Variants in RTEL1 observed in about 807,000 individuals in gnomAD.
RTEL1 encodes regulator of telomere elongation helicase 1.
A neutral mutation model predicts 162.2 loss-of-function variants in RTEL1; 86 were observed. The ratio of observed to expected loss-of-function variants is 0.53; its 90% CI spans 0.45 to 0.63. The LOEUF is 0.63. Among genes scored for constraint, RTEL1 ranks in the 30% least tolerant of loss-of-function variants. The pLI is 0.00. For missense variants in RTEL1, 1,941 were observed against 1,750.2 expected (o/e 1.11, Z -1.95); for synonymous variants, 958 against 717.9 (o/e 1.33, Z -5.35).
At chr20:63,673,578 A>G (rs1381732611) in intron 9 of RTEL1, among the ~76,000 whole-genome samples, 1 of 151,854 alleles carries the variant, frequency 6.6e-6, no homozygotes, top group Non-Finnish European at 1.5e-5. Flanking sequence ...AGCCGGGACT[A>G]CAGGTGCACA....
At chr20:63,662,786 C>T in intron 5 of RTEL1, 43 bp from the exon 6 acceptor site, 3 of 1,611,806 alleles carry the variant, frequency 1.9e-6, no homozygotes, top group East Asian at 2.2e-5. Context: ...TCGGTCCTTT[C>T]TTGGCCGTGC....
chr20:63,691,502 G>A (rs368964746), intron 27 of RTEL1, among the ~76,000 whole-genome samples: 1 of 152,054 alleles, frequency 6.6e-6, no homozygotes, highest in Non-Finnish European at 1.5e-5. Flanking sequence ...CGCTGTGGTC[G>A]GACTGTCTTC....
intron 27 of RTEL1, among the ~76,000 whole-genome samples, 179 bp downstream of exon 27, chr20:63,691,126 A>T (rs922266576): frequency 1.3e-5 from 2 of 151,800 alleles, no homozygotes; most frequent in African/African-American, 2.4e-5. Context: ...CCTCCACCCC[A>T]CCTCACCCAC....
intron 10 of RTEL1, among the ~76,000 whole-genome samples, chr20:63,676,937 A>T (rs1935128474): frequency 6.6e-6 from 1 of 151,558 alleles, no homozygotes; most frequent in African/African-American, 2.4e-5. Context: ...CCGTCTCAAA[A>T]ATCAATCAGT....
chr20:63,694,480 C>A lies in RTEL1; in HGVS notation c.3101C>A (p.Pro1034His), dbSNP rs115610405. ...QGRPHLSPRP[P>H]PTGDPGSQPQ... is the part of the protein sequence containing the mutation. The stretch of plus-strand genomic sequence containing the variant: ...AGGCCCCACCTGTCGCCCAGGCCAC[C>A]CCCAACAGGTAGCTGACTCCTGAAC... The change falls in exon 31 of 35, where the codon CCC (proline) becomes CAC (histidine). Residue 1034 changes from proline (P) to histidine (H), a missense_variant. Transcript: ENST00000360203. 28,737 of 1,597,222 alleles carry A rather than the reference C, an allele frequency of 0.018. 342 individuals carry two copies. Among genetic ancestry groups the A allele is most frequent in the Non-Finnish European group, 0.02 (23,544 of 1,167,476 alleles).
At chr20:63,678,873 G>A (rs1465726188) in intron 12 of RTEL1, among the ~76,000 whole-genome samples, 2 of 123,706 alleles carry the variant, frequency 1.6e-5, no homozygotes, top group African/African-American at 4.3e-5. Flanking sequence ...ACTCTCCCAC[G>A]GAACAGCACA....
intron 2 of RTEL1, among the ~76,000 whole-genome samples, chr20:63,660,085 T>C (rs6010994): frequency 0.81 from 123,384 of 152,152 alleles, 51,198 homozygotes; most frequent in African/African-American, 0.94. Flanking sequence ...TTGCTGCCAA[T>C]ATGTCTCGCC....
intron 8 of RTEL1, 60 bp from the exon 9 acceptor site, chr20:63,672,496 C>A: frequency 7.4e-7 from 1 of 1,358,742 alleles, no homozygotes; most frequent in South Asian, 1.2e-5. Flanking sequence ...CATGTCTTGG[C>A]TTCCCTCTTT....
chr20:63,690,419 C>T lies in RTEL1; in HGVS notation c.2391C>T (p.Pro797=). 5 of 1,601,080 alleles carry T rather than the reference C, an allele frequency of 3.1e-6. No homozygotes were observed. The highest frequency in any genetic ancestry group is 4.3e-6 in the Non-Finnish European group (5 of 1,172,382). The change falls in exon 26 of 35, where the codon CCC becomes CCT. Residue 797 remains proline (P), a synonymous_variant. Transcript: ENST00000360203. The part of the protein sequence containing the change: ...RKAKSLDLHV[P]SLKQRSSGSP... The stretch of plus-strand genomic sequence containing the variant: ...CTAAGAGTCTGGACCTGCATGTCCC[C>T]AGCCTGAAGCAGAGGTCCTCAGGTG...
At chr20:63,684,080 G>A (rs893536779) in intron 14 of RTEL1, among the ~76,000 whole-genome samples, 6 of 152,072 alleles carry the variant, frequency 3.9e-5, no homozygotes, top group South Asian at 2.1e-4. Flanking sequence ...TGTGCCTCCC[G>A]ACCAAGATGC....
At chr20:63,689,949 G>A in intron 24 of RTEL1, 84 bp downstream of exon 24, 1 of 1,553,522 alleles carries the variant, frequency 6.4e-7, no homozygotes, top group Non-Finnish European at 8.7e-7. Context: ...CCCCACATGA[G>A]GCCCCGTCTC....
chr20:63,691,387 G>A (rs1024993499), intron 27 of RTEL1, among the ~76,000 whole-genome samples: 2 of 152,170 alleles, frequency 1.3e-5, no homozygotes, highest in African/African-American at 4.8e-5. Context: ...CCTGCTTCCT[G>A]CTGGGAGCCA....
chr20:63,672,853 C>T (rs1254696963), intron 9 of RTEL1, among the ~76,000 whole-genome samples: 2 of 152,222 alleles, frequency 1.3e-5, no homozygotes, highest in Non-Finnish European at 2.9e-5. Flanking sequence ...AGGCGCAGGG[C>T]CCCCACAGGC....
chr20:63,671,916 C>T (rs1367771614), intron 8 of RTEL1, among the ~76,000 whole-genome samples: 1 of 152,068 alleles, frequency 6.6e-6, no homozygotes, highest in East Asian at 1.9e-4. Flanking sequence ...TGAAGTCTCA[C>T]TCTGTCGCCT....
At position 63,682,096 on chromosome 20, in the gene RTEL1, C is replaced by G. The variant is rs984148366; in HGVS notation, c.1191+1377C>G. ...CAGGTGTGAGCTGGCCCGGGCCTGT[C>G]CCTCCCTGGAATACAGCTTCCCAGG... On this transcript the variant is annotated intron_variant, in intron 14 of 34. Transcript: ENST00000360203. 6 of 985,330 alleles carry G rather than the reference C, an allele frequency of 6.1e-6. No homozygotes were observed. The Admixed American group carries it at 2.5e-4, about 40-fold the overall frequency. 61.0% of individuals were successfully genotyped at this position (985,330 alleles called of 1,614,324 possible). A position where few individuals can be genotyped will look rare whatever the true frequency, so the allele number is the denominator to read the frequency against.
At position 63,661,321 on chromosome 20, in the gene RTEL1, C is replaced by T. The variant is rs2090015969; in HGVS notation, c.126C>T (p.Ser42=). Residue 42 remains serine (S), a synonymous_variant, in exon 3 of 35, where the codon AGC becomes AGT. Coordinates refer to ENST00000360203, the MANE Select transcript of RTEL1 (RefSeq NM_001283009.2). This position sits in a 1 kb window ranked among gnomAD's most constrained non-coding sequence, Gnocchi z 5.1. ...LQQKVNGILE[S]PTGTGKTLCL... Reference sequence around the variant, plus strand: ...AGAAGGTGAATGGCATCCTGGAGAGCCCTACGGGTACAGGGAAGACGCTGT... The same window carrying T: ...AGAAGGTGAATGGCATCCTGGAGAGTCCTACGGGTACAGGGAAGACGCTGT... 3.7e-6 allele frequency: 6 copies of T among 1,612,546 alleles called. No individual in the cohort carries two copies. Among genetic ancestry groups the T allele is most frequent in the Non-Finnish European group, 5.1e-6 (6 of 1,180,024 alleles).
In RTEL1 at chr20:63,692,791, C is replaced by T; in HGVS notation, c.2653-14C>T. The stretch of plus-strand genomic sequence containing the variant: ...AGGCTGGCCCTGATGGAGCCTCGGG[C>T]CTGTGTCCTGCAGGAGGAGCCCGTG... On this transcript the variant is annotated splice_polypyrimidine_tract_variant and intron_variant, in intron 28 of 34. Transcript: ENST00000360203. 9 of 1,607,072 alleles carry T rather than the reference C, an allele frequency of 5.6e-6. No individual in the cohort carries two copies. Among genetic ancestry groups the T allele is most frequent in the Non-Finnish European group, 7.7e-6 (9 of 1,175,836 alleles).
In RTEL1 at chr20:63,691,851, C is replaced by A. The variant is rs1195009937; in HGVS notation, c.2652+14C>A. On this transcript the variant is annotated intron_variant, in intron 28 of 34. Transcript: ENST00000360203. ...GTCAGCCACCCGGTGCGTGAGCTGT[C>A]CCTGCACCTGTGCCGACCACCATAG... The A allele has an allele frequency of 2.5e-6, 4 of 1,601,960 alleles. No individual in the cohort carries two copies. Among genetic ancestry groups the A allele is most frequent in the South Asian group, 1.1e-5 (1 of 90,976 alleles).
chr20:63,658,923 G>T (rs2089964114), intron 1 of RTEL1, among the ~76,000 whole-genome samples: 2 of 152,380 alleles, frequency 1.3e-5, no homozygotes, highest in South Asian at 4.1e-4. Context: ...CTCTGACGTT[G>T]CGCCTGGTGA....
Sources: allele counts gnomAD v4.1 joint callset (sites outside exome capture counted in the v4.1 genomes callset), GRCh38; gene constraint gnomAD v4.1.1; non-coding constraint Gnocchi (gnomAD v3.1); transcripts MANE v1.5; gene names NCBI Gene and HGNC (gene_info 2026-07-23, HGNC 2026-07-21).